The following CHRNA7 variants were observed in gnomAD, a reference collection of about 807,000 sequenced individuals.
CHRNA7 encodes cholinergic receptor nicotinic alpha 7 subunit, also known as neuronal acetylcholine receptor subunit alpha-7.
Under a neutral mutation model 48.0 loss-of-function variants are expected in CHRNA7, and 17 were observed. The ratio of observed to expected loss-of-function variants is 0.35; its 90% CI spans 0.24 to 0.53. The LOEUF is 0.53. Among genes scored for constraint, CHRNA7 ranks in the 20% least tolerant of loss-of-function variants. The pLI is 0.92. For synonymous variants in CHRNA7, 75 were observed against 242.3 expected, an observed-to-expected ratio of 0.31 and a Z score of 6.41; for missense variants, 155 against 577.7, an observed-to-expected ratio of 0.27 and a Z score of 7.50.
In CHRNA7 at chr15:32,111,813, G is replaced by A; in HGVS notation, c.264G>A (p.Gln88=). The change falls in exon 4 of 10, where the codon CAG becomes CAA. Residue 88 remains glutamine, a synonymous_variant. Coordinates refer to ENST00000306901, the MANE Select transcript of CHRNA7 (RefSeq NM_000746.6). ...AGTCTTGGACAGATCACTATTTACAGTGGAATGTGTCAGAATATCCAGGGG... is the reference window on the plus strand; with the variant it reads ...AGTCTTGGACAGATCACTATTTACAATGGAATGTGTCAGAATATCCAGGGG... The part of the protein sequence containing the change: ...LQMSWTDHYL[Q]WNVSEYPGVK... The A allele has an allele frequency of 6.2e-7, 1 of 1,613,158 alleles. No homozygotes were observed. The highest frequency in any genetic ancestry group is 8.5e-7 in the Non-Finnish European group (1 of 1,179,090).
rs2611605 is a variant in CHRNA7 at position 32,149,432 on chromosome 15, C to T, written c.351-4475C>T. Reference sequence around the variant, plus strand: ...TAGGGGTTCTGGCCACTCACATTTCCGAGGTTCTTCATTTCCCACCTCAGA... The same window carrying T: ...TAGGGGTTCTGGCCACTCACATTTCTGAGGTTCTTCATTTCCCACCTCAGA... On this transcript the variant is annotated intron_variant, in intron 4 of 9. Transcript: ENST00000306901. The surrounding 1 kb of genome is among the most constrained non-coding windows in gnomAD (Gnocchi z 4.6). 0.16 allele frequency among the ~76,000 whole-genome samples: 24,229 copies of T among 152,088 alleles called. 2,162 individuals carry two copies. Among genetic ancestry groups the T allele is most frequent in the Non-Finnish European group, 0.2 (13,663 of 67,944 alleles).
chr15:32,034,790 T>A (rs889341961), intron 2 of CHRNA7, among the ~76,000 whole-genome samples: 3 of 152,236 alleles, frequency 2.0e-5, no homozygotes, highest in Non-Finnish European at 4.4e-5. Context: ...TCAAAGGAAT[T>A]GCTTGACCTG....
intron 2 of CHRNA7, among the ~76,000 whole-genome samples, chr15:32,089,610 T>C (rs896310119): frequency 2.6e-5 from 4 of 152,352 alleles, no homozygotes; most frequent in Middle Eastern, 3.4e-3. Context: ...ATGTTGTTTA[T>C]TTTTCCTTTA....
intron 2 of CHRNA7, among the ~76,000 whole-genome samples, chr15:32,032,408 GTTTC>G (rs2141157069): frequency 6.6e-6 from 1 of 152,116 alleles, no homozygotes; most frequent in South Asian, 2.1e-4. Context: ...TGTTAGGTAA[GTTTC>G]TTAAGCATCT....
chr15:32,144,968 G>T (rs1329872727), intron 4 of CHRNA7, among the ~76,000 whole-genome samples: 2 of 152,160 alleles, frequency 1.3e-5, no homozygotes, highest in Non-Finnish European at 2.9e-5. Flanking sequence ...TGCTGGCAAG[G>T]AGCTGCGATC....
intron 2 of CHRNA7, among the ~76,000 whole-genome samples, chr15:32,061,668 C>A (rs1000896047): frequency 1.3e-5 from 2 of 152,034 alleles, no homozygotes; most frequent in Non-Finnish European, 2.9e-5. Context: ...ATTAGCCGGG[C>A]GTGGTGGCAG....
At chr15:32,045,721 G>A (rs1316570075) in intron 2 of CHRNA7, among the ~76,000 whole-genome samples, 1 of 151,400 alleles carries the variant, frequency 6.6e-6, no homozygotes, top group African/African-American at 2.4e-5. Context: ...ACAACGTGCA[G>A]GTTTGTTACA....
chr15:32,032,246 A>G (rs575002693), intron 2 of CHRNA7, among the ~76,000 whole-genome samples: 103 of 152,232 alleles, frequency 6.8e-4, no homozygotes, highest in Non-Finnish European at 1.3e-3. Context: ...TATCATGAGA[A>G]GAGCTGTAGG....
At chr15:32,106,419 G>A (rs1041762327) in intron 3 of CHRNA7, among the ~76,000 whole-genome samples, 6 of 152,300 alleles carry the variant, frequency 3.9e-5, no homozygotes, top group Middle Eastern at 3.4e-3. Context: ...CCTCCAGTTT[G>A]TTGGTTTTGT....
intron 2 of CHRNA7, among the ~76,000 whole-genome samples, chr15:32,064,014 C>T (rs2049922478): frequency 6.6e-6 from 1 of 152,138 alleles, no homozygotes; most frequent in African/African-American, 2.4e-5. Flanking sequence ...TATTTTTACC[C>T]TTACACTTGA....
intron 3 of CHRNA7, among the ~76,000 whole-genome samples, chr15:32,105,249 G>A (rs928339845): frequency 1.3e-5 from 2 of 152,316 alleles, no homozygotes; most frequent in Middle Eastern, 3.4e-3. Flanking sequence ...GGCCAGGTGA[G>A]GGGACCCAGA....
intron 4 of CHRNA7, chr15:32,112,292 C>T (rs1462806097): frequency 1.5e-5 from 7 of 460,982 alleles, no homozygotes; most frequent in Non-Finnish European, 2.6e-5. Flanking sequence ...CTGGAGCCCA[C>T]AGTTTGGACC....
intron 2 of CHRNA7, among the ~76,000 whole-genome samples, chr15:32,073,177 A>G (rs2141221380): frequency 6.6e-6 from 1 of 152,286 alleles, no homozygotes; most frequent in Admixed American, 6.5e-5. Flanking sequence ...TTGGGAGCTC[A>G]CCTCTCACAA....
intron 7 of CHRNA7, chr15:32,158,932 TG>T (rs1186519242): frequency 3.8e-6 from 1 of 264,646 alleles, no homozygotes; most frequent in Admixed American, 5.0e-5. Flanking sequence ...CAATGGCGAC[TG>T]GTCATCGAGG....
chr15:32,119,289 G>A (rs1014068570), intron 4 of CHRNA7, among the ~76,000 whole-genome samples: 3 of 152,230 alleles, frequency 2.0e-5, no homozygotes, highest in African/African-American at 7.2e-5. Flanking sequence ...TGCAGAATTG[G>A]TTTTAACATT....
intron 2 of CHRNA7, among the ~76,000 whole-genome samples, chr15:32,091,163 G>A (rs1295751727): frequency 6.6e-5 from 10 of 152,062 alleles, no homozygotes; most frequent in South Asian, 4.2e-4. Flanking sequence ...ATTTAATCAC[G>A]TTAAACATAT....
At chr15:32,073,763 T>C (rs2337508) in intron 2 of CHRNA7, among the ~76,000 whole-genome samples, 122,202 of 152,040 alleles carry the variant, frequency 0.8, 50,585 homozygotes, top group Non-Finnish European at 0.91. Context: ...TGCTCCCTCT[T>C]TTGCCATATG....
intron 2 of CHRNA7, among the ~76,000 whole-genome samples, chr15:32,086,569 TC>T (rs1277153529): frequency 1.3e-5 from 2 of 152,146 alleles, no homozygotes; most frequent in Non-Finnish European, 2.9e-5. Context: ...TAAACTGAGG[TC>T]CGTACTTTAT....
chr15:32,075,251 C>G (rs1230232641), intron 2 of CHRNA7, among the ~76,000 whole-genome samples: 1 of 152,114 alleles, frequency 6.6e-6, no homozygotes. Context: ...TTTCCTCTTT[C>G]AAATTGTGGA....
Sources: allele counts gnomAD v4.1 joint callset (sites outside exome capture counted in the v4.1 genomes callset), GRCh38; gene constraint gnomAD v4.1.1; non-coding constraint Gnocchi (gnomAD v3.1); transcripts MANE v1.5; gene names NCBI Gene and HGNC (gene_info 2026-07-23, HGNC 2026-07-21).